ENDOU: variants seen among roughly 807,000 people sequenced by gnomAD.
The protein encoded by ENDOU is endonuclease, poly(U) specific.
In ENDOU, 49 loss-of-function variants were observed where a neutral mutation model predicts 54.2. The ratio of observed to expected loss-of-function variants is 0.90; its 90% confidence interval spans 0.72 to 1.15. The LOEUF (loss-of-function observed/expected upper bound fraction) is 1.15, where lower values mean the gene tolerates loss of function less well. Ranked by LOEUF, ENDOU falls within the 50% of genes most tolerant of loss-of-function variation. ENDOU has a pLI of 0.00. For synonymous variants in ENDOU, 172 were observed against 190.5 expected (o/e 0.90, Z 0.80); for missense variants, 458 against 511.4 (o/e 0.90, Z 1.01).
At position 47,716,505 on chromosome 12, in the gene ENDOU, G is replaced by A. The variant is rs1377238004; in HGVS notation, c.552-6C>T. 1.9e-6 allele frequency: 3 copies of A among 1,612,722 alleles called. No homozygotes were observed. The highest frequency in any genetic ancestry group is 2.2e-5 in the South Asian group (2 of 90,994). On this transcript the variant is annotated splice_region_variant and splice_polypyrimidine_tract_variant and intron_variant, in intron 5 of 9. Coordinates refer to ENST00000422538, the MANE Select transcript of ENDOU (RefSeq NM_001172439.2). ...CATTGACATAAGTGAAGAGTCTGGGGGAGGCAGAGGGGAGCCCCACTGAGA... is the reference window on the plus strand; with the variant it reads ...CATTGACATAAGTGAAGAGTCTGGGAGAGGCAGAGGGGAGCCCCACTGAGA...
At position 47,713,367 on chromosome 12, in the gene ENDOU, T is replaced by C. The variant is rs754382720; in HGVS notation, c.773A>G (p.Glu258Gly). 6.2e-7 allele frequency: 1 copy of C among 1,613,916 alleles called. No homozygotes were observed. The highest frequency in any genetic ancestry group is 8.5e-7 in the Non-Finnish European group (1 of 1,179,894). The change falls in exon 7 of 10, where the codon GAG becomes GGG. Residue 258 changes from glutamate to glycine, a missense_variant. By Grantham distance (98) the Glu-to-Gly change is moderately conservative (BLOSUM62 -2). Coordinates refer to ENST00000422538, the MANE Select transcript of ENDOU (RefSeq NM_001172439.2). Reference protein sequence around the residue: ...HHQNRYGSEQEFVDDLKNMWF... With the variant: ...HHQNRYGSEQGFVDDLKNMWF... ...CATGTTCTTCAAGTCATCGACAAAC[T>C]CTTGCTCTGAGCCATAGCGATCTGC...
At chr12:47,718,245 C>T (rs772818958) in intron 2 of ENDOU, 51 bp from the exon 3 acceptor site, 8 of 1,495,374 alleles carry the variant, frequency 5.3e-6, no homozygotes, top group Non-Finnish European at 5.5e-6. Flanking sequence ...AATTCCCCTG[C>T]TGCTTGGTTT....
At chr12:47,720,679 C>G in intron 2 of ENDOU, 74 bp downstream of exon 2, 1 of 1,498,682 alleles carries the variant, frequency 6.7e-7, no homozygotes, top group Non-Finnish European at 8.9e-7. Context: ...GAACGCTGCT[C>G]TGGCCTGCTG....
intron 2 of ENDOU, 102 bp from the exon 3 acceptor site, chr12:47,718,296 C>T: frequency 2.0e-6 from 2 of 992,104 alleles, no homozygotes; most frequent in Non-Finnish European, 1.5e-6. Context: ...CAAGCAAGGG[C>T]ACTGGAAGCA....
At chr12:47,725,279 A>G in intron 1 of ENDOU, 80 bp downstream of exon 1, 2 of 1,516,700 alleles carry the variant, frequency 1.3e-6, no homozygotes, top group South Asian at 2.2e-5. Context: ...CCTGCCCTCT[A>G]CCAAGTTCTC....
At chr12:47,712,133 G>A (rs1013635253) in intron 8 of ENDOU, among the ~76,000 whole-genome samples, 2 of 152,322 alleles carry the variant, frequency 1.3e-5, no homozygotes, top group South Asian at 2.1e-4. Context: ...GGCAGCAAAG[G>A]TTTCTGTCTT....
chr12:47,711,206 T>G (rs1379377397), intron 9 of ENDOU, among the ~76,000 whole-genome samples: 1 of 152,194 alleles, frequency 6.6e-6, no homozygotes, highest in Non-Finnish European at 1.5e-5. Context: ...CCTTAGAAAT[T>G]AAACATTTGC....
intron 1 of ENDOU, among the ~76,000 whole-genome samples, chr12:47,721,581 C>T (rs1247212859): frequency 6.6e-6 from 1 of 152,210 alleles, no homozygotes; most frequent in Non-Finnish European, 1.5e-5. Flanking sequence ...CTTTGGAGTA[C>T]ATTCAGATGA....
At chr12:47,718,104 C>T in intron 3 of ENDOU, 25 bp downstream of exon 3, 1 of 1,550,804 alleles carries the variant, frequency 6.4e-7, no homozygotes, top group Non-Finnish European at 8.7e-7. Flanking sequence ...ATCTTGAGGG[C>T]CCCCCTTTGG....
At chr12:47,716,812 A>C (rs944650659) in intron 5 of ENDOU, 78 bp downstream of exon 5, 2 of 1,459,828 alleles carry the variant, frequency 1.4e-6, no homozygotes, top group African/African-American at 1.4e-5. Flanking sequence ...TGACTTGAGG[A>C]TAAAAAGTCG....
intron 1 of ENDOU, among the ~76,000 whole-genome samples, chr12:47,722,563 T>A (rs538015867): frequency 6.6e-6 from 1 of 152,288 alleles, no homozygotes; most frequent in Non-Finnish European, 1.5e-5. Context: ...GTGGCAATAT[T>A]TCATGCCCAT....
chr12:47,711,791 C>T lies in ENDOU; in HGVS notation c.973-16G>A. ...AAGAATCCCACTGTGGAGGGAAGGGCAGAAAAGGGGGTCTGGTGAGTGCCA... is the reference window on the plus strand; with the variant it reads ...AAGAATCCCACTGTGGAGGGAAGGGTAGAAAAGGGGGTCTGGTGAGTGCCA... On this transcript the variant is annotated splice_polypyrimidine_tract_variant and intron_variant, in intron 8 of 9. Coordinates refer to ENST00000422538, the MANE Select transcript of ENDOU (RefSeq NM_001172439.2). The T allele has an allele frequency of 6.2e-7, 1 of 1,613,734 alleles. No individual in the cohort carries two copies. The highest frequency in any genetic ancestry group is 2.2e-5 in the East Asian group (1 of 44,880).
intron 2 of ENDOU, among the ~76,000 whole-genome samples, chr12:47,718,532 C>A (rs990243571): frequency 2.0e-5 from 3 of 152,156 alleles, no homozygotes; most frequent in African/African-American, 4.8e-5. Flanking sequence ...GTCCTAATGA[C>A]AAAGCCCTCA....
intron 3 of ENDOU, 142 bp from the exon 4 acceptor site, chr12:47,717,797 G>A (rs1940308152): frequency 9.7e-6 from 8 of 820,596 alleles, no homozygotes; most frequent in East Asian, 5.0e-5. Flanking sequence ...AACCTAATTC[G>A]TGCACACCCT....
At chr12:47,713,715 G>A (rs1422998374) in intron 6 of ENDOU, among the ~76,000 whole-genome samples, 3 of 146,034 alleles carry the variant, frequency 2.1e-5, no homozygotes, top group Admixed American at 1.4e-4. Context: ...CCGTAATGAC[G>A]GGAAAGGGCT....
intron 2 of ENDOU, among the ~76,000 whole-genome samples, chr12:47,718,941 G>T (rs1398460890): frequency 6.6e-6 from 1 of 152,110 alleles, no homozygotes; most frequent in Admixed American, 6.5e-5. Flanking sequence ...CTACTAGTGA[G>T]TTTGCTGGAA....
intron 1 of ENDOU, among the ~76,000 whole-genome samples, chr12:47,723,117 T>C (rs538243129): frequency 6.6e-6 from 1 of 152,280 alleles, no homozygotes; most frequent in African/African-American, 2.4e-5. Context: ...TGGCACCAGT[T>C]GAGAAGGGTT....
At chr12:47,721,411 C>G (rs1043933311) in intron 1 of ENDOU, among the ~76,000 whole-genome samples, 1 of 152,232 alleles carries the variant, frequency 6.6e-6, no homozygotes, top group Non-Finnish European at 1.5e-5. Flanking sequence ...CCCCCTTCAC[C>G]TGTCATGTCA....
rs1032382446 is a variant in ENDOU at position 47,713,441 on chromosome 12, G to C, written c.752-53C>G. Reference sequence around the variant, plus strand: ...GAGGGGAGGCAGGGCCAGGTCCTGGGAGCGCTAAACAGAGACCTGAAGAGC... The same window carrying C: ...GAGGGGAGGCAGGGCCAGGTCCTGGCAGCGCTAAACAGAGACCTGAAGAGC... On this transcript the variant is annotated intron_variant, in intron 6 of 9. Transcript: ENST00000422538. 3 of 1,321,042 alleles carry C rather than the reference G, an allele frequency of 2.3e-6. No homozygotes were observed. The African/African-American group carries it at 4.3e-5, about 19-fold the overall frequency. 81.8% of individuals were successfully genotyped at this position (1,321,042 alleles called of 1,614,324 possible). A position where few individuals can be genotyped will look rare whatever the true frequency, so the allele number is the denominator to read the frequency against.
Sources: gnomAD v4.1 joint callset for allele counts (sites outside exome capture counted in the v4.1 genomes callset) on GRCh38, gnomAD v4.1.1 for gene constraint, MANE v1.5 for transcripts, NCBI Gene and HGNC (gene_info 2026-07-23, HGNC 2026-07-21) for gene names.